LRP1B: variants seen among roughly 807,000 people sequenced by gnomAD.
The protein encoded by LRP1B is low-density lipoprotein receptor-related protein 1B.
Under a neutral mutation model 556.6 loss-of-function variants are expected in LRP1B, and 217 were observed. That is an observed-to-expected ratio of 0.39 (90% confidence interval 0.35 to 0.44). The LOEUF is 0.44. Among genes scored for constraint, LRP1B ranks in the 20% least tolerant of loss-of-function variants. The pLI, the probability that LRP1B is intolerant of heterozygous loss-of-function variation, is 1.00. For synonymous variants in LRP1B, 2,047 were observed against 1,865.8 expected (o/e 1.10, Z -2.50); for missense variants, 5,053 against 5,620.8 (o/e 0.90, Z 3.23).
intron 45 of LRP1B, among the ~76,000 whole-genome samples, chr2:140,540,027 T>C (rs2105013767): frequency 6.6e-6 from 1 of 152,254 alleles, no homozygotes; most frequent in South Asian, 2.1e-4. Context: ...TAAAGAAAAT[T>C]ATGCCCAAGC....
intron 84 of LRP1B, among the ~76,000 whole-genome samples, chr2:140,276,409 C>T (rs1558764916): frequency 6.6e-6 from 1 of 151,856 alleles, no homozygotes; most frequent in Non-Finnish European, 1.5e-5. Flanking sequence ...ATAGCACTTT[C>T]AAAAGGTAAG....
chr2:140,248,583 T>G (rs1490216081), intron 86 of LRP1B, among the ~76,000 whole-genome samples: 1 of 151,602 alleles, frequency 6.6e-6, no homozygotes, highest in African/African-American at 2.4e-5. Context: ...TCTACGACTC[T>G]TGTCTGTATT....
intron 35 of LRP1B, among the ~76,000 whole-genome samples, chr2:140,754,407 C>T (rs1301068890): frequency 3.9e-5 from 6 of 152,072 alleles, no homozygotes; most frequent in Non-Finnish European, 7.4e-5. Flanking sequence ...CATTATCAGC[C>T]AGCAAATAGT....
intron 1 of LRP1B, among the ~76,000 whole-genome samples, chr2:141,818,676 A>G (rs1181661399): frequency 1.3e-5 from 2 of 151,326 alleles, no homozygotes; most frequent in South Asian, 2.1e-4. Context: ...AGCTAGGACT[A>G]CAGGCGCCTG....
intron 41 of LRP1B, among the ~76,000 whole-genome samples, chr2:140,656,807 CAG>C (rs950357149): frequency 2.0e-5 from 3 of 151,978 alleles, no homozygotes; most frequent in Non-Finnish European, 2.9e-5. Context: ...GTTGGAGAAG[CAG>C]AGAGTTAAAA....
chr2:140,697,041 C>T (rs1051967001), intron 41 of LRP1B, among the ~76,000 whole-genome samples: 14 of 152,026 alleles, frequency 9.2e-5, no homozygotes, highest in African/African-American at 2.9e-4. Context: ...CATAGAAGTA[C>T]AGAGGAAACA....
chr2:141,241,111 A>AG (rs1220351261), intron 5 of LRP1B, among the ~76,000 whole-genome samples: 1 of 152,104 alleles, frequency 6.6e-6, no homozygotes, highest in Non-Finnish European at 1.5e-5. Flanking sequence ...GTGTTTGGAG[A>AG]GGGAAAAAAA....
chr2:141,396,314 G>A (rs1008095273), intron 3 of LRP1B, among the ~76,000 whole-genome samples: 12 of 152,042 alleles, frequency 7.9e-5, no homozygotes, highest in African/African-American at 2.9e-4. Flanking sequence ...ATACATTGTT[G>A]TTTTTTAATT....
chr2:140,738,040 C>T (rs1688006594), intron 35 of LRP1B, among the ~76,000 whole-genome samples: 1 of 152,122 alleles, frequency 6.6e-6, no homozygotes, highest in African/African-American at 2.4e-5. Flanking sequence ...TGCTTCCTTT[C>T]ACTGAAACCC....
chr2:140,263,046 C>A, intron 86 of LRP1B, among the ~76,000 whole-genome samples: 1 of 152,108 alleles, frequency 6.6e-6, no homozygotes, highest in South Asian at 2.1e-4. Flanking sequence ...AGGTCAGTCT[C>A]CCAAGTAGCT....
chr2:140,941,568 A>G (rs1695403323), intron 20 of LRP1B, among the ~76,000 whole-genome samples: 1 of 152,294 alleles, frequency 6.6e-6, no homozygotes, highest in Admixed American at 6.5e-5. Context: ...TTATTCTTAC[A>G]TACCATCTAC....
chr2:141,546,602 T>G (rs1034533602), intron 2 of LRP1B, among the ~76,000 whole-genome samples: 2 of 152,176 alleles, frequency 1.3e-5, no homozygotes, highest in African/African-American at 4.8e-5. Context: ...AGTACCAACT[T>G]GTGTGAGGAA....
rs70991138 is a variant in LRP1B at position 141,115,458 on chromosome 2, G to GTTTTTTTTTT, written c.1014-53195_1014-53186dup. Among the ~76,000 whole-genome samples the GTTTTTTTTTT allele has an allele frequency of 1.3e-3, 157 of 120,342 alleles. 6 individuals are homozygous for GTTTTTTTTTT. The highest frequency in any genetic ancestry group is 1.7e-3 in the Non-Finnish European group (104 of 59,688). 78.9% of individuals were successfully genotyped at this position (120,342 alleles called of 152,430 possible). A position where few individuals can be genotyped will look rare whatever the true frequency, so the allele number is the denominator to read the frequency against. The stretch of plus-strand genomic sequence containing the variant: ...GCAAAATGAATAGGTTTTTGTTTTT[G>GTTTTTTTTTT]TTTTTTTTTTTTTTTTGAGATGGAT... On this transcript the variant is annotated intron_variant, in intron 7 of 90. Transcript: ENST00000389484.
chr2:142,056,291 T>C (rs1430887731), intron 1 of LRP1B, among the ~76,000 whole-genome samples: 1 of 111,760 alleles, frequency 8.9e-6, no homozygotes, highest in Non-Finnish European at 2.1e-5. Context: ...CTGGTATATG[T>C]AATAGGACTG....
At chr2:140,825,171 G>A (rs1290621355) in intron 31 of LRP1B, among the ~76,000 whole-genome samples, 1 of 152,086 alleles carries the variant, frequency 6.6e-6, no homozygotes, top group Non-Finnish European at 1.5e-5. Context: ...AACAACACTT[G>A]GCTTATTAGA....
At chr2:140,483,783 G>A in intron 59 of LRP1B, among the ~76,000 whole-genome samples, 1 of 151,196 alleles carries the variant, frequency 6.6e-6, no homozygotes, top group Non-Finnish European at 1.5e-5. Flanking sequence ...TGGGATTACA[G>A]GTGTGCGCCA....
chr2:142,107,793 A>G (rs77581902), intron 1 of LRP1B, among the ~76,000 whole-genome samples: 1 of 89,050 alleles, frequency 1.1e-5, no homozygotes, highest in Admixed American at 1.3e-4. Flanking sequence ...ACGCCTAGCT[A>G]ATTTTTTTTT....
chr2:142,110,489 C>T (rs1189472921), intron 1 of LRP1B, among the ~76,000 whole-genome samples: 1 of 151,868 alleles, frequency 6.6e-6, no homozygotes, highest in Non-Finnish European at 1.5e-5. Context: ...TGAGGGGCCA[C>T]CAATAAGTTA....
chr2:142,070,918 C>A (rs1194197620), intron 1 of LRP1B, among the ~76,000 whole-genome samples: 1 of 151,904 alleles, frequency 6.6e-6, no homozygotes, highest in Non-Finnish European at 1.5e-5. Flanking sequence ...CAACTCATGC[C>A]TTAGCACATA....
Sources: gnomAD v4.1 joint callset for allele counts (sites outside exome capture counted in the v4.1 genomes callset) on GRCh38, gnomAD v4.1.1 for gene constraint, MANE v1.5 for transcripts, NCBI Gene and HGNC (gene_info 2026-07-23, HGNC 2026-07-21) for gene names.